The following RGSL1 variants were observed in gnomAD, a reference collection of about 807,000 sequenced individuals.
RGSL1 encodes the protein regulator of G protein signaling like 1, also known as regulator of G protein signaling protein-like.
RGSL1 carries 97 observed loss-of-function variants against 124.7 expected under a neutral mutation model. The ratio of observed to expected loss-of-function variants is 0.78; its 90% CI spans 0.66 to 0.92. The LOEUF is 0.92. Among genes scored for constraint, RGSL1 ranks in the 40% least tolerant of loss-of-function variants. RGSL1 has a pLI of 0.00. For synonymous variants in RGSL1, 424 were observed against 438.1 expected, an observed-to-expected ratio of 0.97 and a Z score of 0.40; for missense variants, 1,233 against 1,288.4, an observed-to-expected ratio of 0.96 and a Z score of 0.66.
rs1336358170 is a variant in RGSL1 at position 182,530,258 on chromosome 1, T to A, written c.2140T>A (p.Cys714Ser). 2.6e-6 allele frequency: 4 copies of A among 1,550,540 alleles called. No homozygotes were observed. The highest frequency in any genetic ancestry group is 3.5e-6 in the Non-Finnish European group (4 of 1,146,264). The change falls in exon 12 of 22, where the codon TGT (cysteine) becomes AGT (serine). Residue 714 changes from cysteine to serine, a missense_variant. Cys to Ser is a moderately radical substitution (Grantham distance 112). Transcript: ENST00000294854. ...GCATTTTCTAGAAGAAATGCTGCAGTGTGATGCCCCTATTATCAAAGAAAT... is the reference window on the plus strand; with the variant it reads ...GCATTTTCTAGAAGAAATGCTGCAGAGTGATGCCCCTATTATCAAAGAAAT... ...GQLSPEEMLQCDAPIIKEIAS... is the reference protein window; with the variant it reads ...GQLSPEEMLQSDAPIIKEIAS...
At chr1:182,533,402 T>G (rs1659327601) in intron 14 of RGSL1, among the ~76,000 whole-genome samples, 1 of 152,054 alleles carries the variant, frequency 6.6e-6, no homozygotes, top group African/African-American at 2.4e-5. Context: ...ATTATATGGA[T>G]TAATTCAACA....
At position 182,473,588 on chromosome 1, in the gene RGSL1, C is replaced by T; in HGVS notation, c.477C>T (p.Asn159=). 6.5e-7 allele frequency: 1 copy of T among 1,545,304 alleles called. No homozygotes were observed. Among genetic ancestry groups the T allele is most frequent in the South Asian group, 1.2e-5 (1 of 82,796 alleles). ...LCNMNIKSLL[N]LSIWHPNQST... is the part of the protein sequence containing the mutation. The stretch of plus-strand genomic sequence containing the variant: ...TATTATTTCCAGAGTCCCTCCTGAA[C>T]CTCTCCATCTGGCATCCCAACCAAT... Residue 159 remains asparagine (N), a synonymous_variant, in exon 6 of 22, where the codon AAC becomes AAT. Transcript: ENST00000294854.
At chr1:182,485,967 A>G (rs1410197782) in intron 6 of RGSL1, among the ~76,000 whole-genome samples, 1 of 152,204 alleles carries the variant, frequency 6.6e-6, no homozygotes, top group African/African-American at 2.4e-5. Flanking sequence ...GAGTACTTGC[A>G]ATGGACTATA....
rs1326048160 is a variant in RGSL1, at chr1:182,527,767, C to A, written c.2120C>A (p.Ser707Tyr). ...VIKTFFQGQL[S>Y]PEEMLQCDAP... ...AAGACTTTCTTCCAAGGCCAACTCTCTCCTGGTATGCATCCTCTTCTGATC... is the reference window on the plus strand; with the variant it reads ...AAGACTTTCTTCCAAGGCCAACTCTATCCTGGTATGCATCCTCTTCTGATC... Residue 707 changes from serine to tyrosine, a missense_variant, in exon 11 of 22, where the codon TCT becomes TAT. Transcript: ENST00000294854. 6.5e-7 allele frequency: 1 copy of A among 1,548,942 alleles called. No individual in the cohort carries two copies. The highest frequency in any genetic ancestry group is 2.0e-5 in the Admixed American group (1 of 50,862).
chr1:182,511,804 A>C (rs140466266), intron 9 of RGSL1, among the ~76,000 whole-genome samples: 145 of 152,334 alleles, frequency 9.5e-4, no homozygotes, highest in African/African-American at 3.3e-3. Context: ...TTTCGATAGG[A>C]TGAATCTATA....
chr1:182,543,882 T>C (rs1054984958), intron 15 of RGSL1, among the ~76,000 whole-genome samples: 2 of 152,040 alleles, frequency 1.3e-5, no homozygotes, highest in African/African-American at 4.8e-5. Context: ...TTTTATTTAT[T>C]TGGGTCTTCT....
At position 182,530,874 on chromosome 1, in the gene RGSL1, C is replaced by G; in HGVS notation, c.2328C>G (p.Pro776=). 1 of 1,549,820 alleles carries G rather than the reference C, an allele frequency of 6.5e-7. No homozygotes were observed. The highest frequency in any genetic ancestry group is 8.7e-7 in the Non-Finnish European group (1 of 1,145,978). Residue 776 remains proline (P), a synonymous_variant, in exon 13 of 22, where the codon CCC becomes CCG. Transcript: ENST00000294854. The stretch of plus-strand genomic sequence containing the variant: ...AAGTACAAATTTCGTCTAGGAAGCC[C>G]TCAAAGATAGTGTCAACTTACCTAC... ...QSEVQISSRK[P]SKIVSTYLQE...
chr1:182,460,807 G>A (rs180737628), intron 4 of RGSL1: 37 of 442,160 alleles, frequency 8.4e-5, no homozygotes, highest in African/African-American at 6.4e-4. Context: ...TGTTTGGGGG[G>A]AAACTTTAGA....
chr1:182,474,235 G>T lies in RGSL1; in HGVS notation c.1124G>T (p.Cys375Phe). ...FSLGYIHLAL[C>F]ADACAGNPFR... is the part of the protein sequence containing the mutation. ...TTAGGATACATCCACTTGGCCTTGT[G>T]TGCTGATGCCTGTGCAGGGAACCCT... Residue 375 changes from cysteine to phenylalanine, a missense_variant, in exon 6 of 22, where the codon TGT becomes TTT. Transcript: ENST00000294854. The T allele has an allele frequency of 3.2e-6, 5 of 1,551,920 alleles. No individual in the cohort carries two copies. Among genetic ancestry groups the T allele is most frequent in the Non-Finnish European group, 4.4e-6 (5 of 1,147,030 alleles).
intron 9 of RGSL1, among the ~76,000 whole-genome samples, chr1:182,496,421 A>C (rs1016855443): frequency 6.6e-6 from 1 of 152,206 alleles, no homozygotes; most frequent in Non-Finnish European, 1.5e-5. Context: ...ACTTGATATC[A>C]CATGGACAGG....
At position 182,458,395 on chromosome 1, in the gene RGSL1, T is replaced by A; in HGVS notation, c.171+2T>A. The A allele has an allele frequency of 6.5e-7, 1 of 1,550,320 alleles. No individual in the cohort carries two copies. Among genetic ancestry groups the A allele is most frequent in the East Asian group, 2.4e-5 (1 of 40,918 alleles). Reference sequence around the variant, plus strand: ...TGGCCAGAAATACCTTGTAACTTGGTGAGTAAAATTCTTCAGAGGTAGAGA... The same window carrying A: ...TGGCCAGAAATACCTTGTAACTTGGAGAGTAAAATTCTTCAGAGGTAGAGA... On this transcript the variant is annotated splice_donor_variant, in intron 3 of 21. Coordinates refer to ENST00000294854, the MANE Select transcript of RGSL1 (RefSeq NM_001137669.2). LOFTEE classifies it high-confidence loss of function.
intron 6 of RGSL1, among the ~76,000 whole-genome samples, chr1:182,479,489 T>G (rs947303910): frequency 6.6e-6 from 1 of 151,978 alleles, no homozygotes; most frequent in Non-Finnish European, 1.5e-5. Context: ...CCACAAAAAA[T>G]GTATAGTAGA....
At chr1:182,533,321 A>G (rs1659319568) in intron 14 of RGSL1, among the ~76,000 whole-genome samples, 1 of 149,038 alleles carries the variant, frequency 6.7e-6, no homozygotes, top group South Asian at 2.1e-4. Flanking sequence ...TTTGTTCAAC[A>G]ATGTATCTTG....
Position 182,460,105 on chromosome 1 carries a change from C to A in RGSL1, c.273C>A (p.Phe91Leu). 1.3e-6 allele frequency: 2 copies of A among 1,551,286 alleles called. No individual in the cohort carries two copies. The highest frequency in any genetic ancestry group is 1.7e-6 in the Non-Finnish European group (2 of 1,146,884). Residue 91 changes from phenylalanine (F) to leucine (L), a missense_variant, in exon 4 of 22, where the codon TTC becomes TTA. Coordinates refer to ENST00000294854, the MANE Select transcript of RGSL1 (RefSeq NM_001137669.2). ...LCFHYILCQE[F>L]ISFIKSPEGG... ...TCCATTACATTCTCTGTCAGGAGTT[C>A]ATCAGTTTCATTAAGTCCCCAGAAG...
chr1:182,539,892 C>G (rs1488938769), intron 14 of RGSL1, among the ~76,000 whole-genome samples: 3 of 152,152 alleles, frequency 2.0e-5, no homozygotes, highest in Admixed American at 6.5e-5. Flanking sequence ...CCTGATAAAA[C>G]TTGAGTAAGC....
intron 9 of RGSL1, among the ~76,000 whole-genome samples, chr1:182,508,668 ATTTG>A (rs1415792338): frequency 3.0e-5 from 4 of 134,284 alleles, no homozygotes; most frequent in African/African-American, 8.3e-5. Flanking sequence ...CCTATTGACT[ATTTG>A]TTTTTTTTTT....
intron 14 of RGSL1, among the ~76,000 whole-genome samples, chr1:182,535,168 T>G (rs923085485): frequency 6.6e-6 from 1 of 152,198 alleles, no homozygotes; most frequent in Admixed American, 6.5e-5. Context: ...AGATGACACC[T>G]GGTGCCCCTC....
intron 6 of RGSL1, among the ~76,000 whole-genome samples, chr1:182,483,068 T>C (rs953298606): frequency 6.6e-6 from 1 of 152,166 alleles, no homozygotes; most frequent in Non-Finnish European, 1.5e-5. Context: ...CTAAATCAGA[T>C]AAACTCATAG....
intron 14 of RGSL1, among the ~76,000 whole-genome samples, chr1:182,533,021 T>C (rs899602292): frequency 2.0e-5 from 3 of 152,200 alleles, no homozygotes; most frequent in Non-Finnish European, 2.9e-5. Context: ...CCTAAGGTAC[T>C]GCAAAATCTC....
Sources: allele counts gnomAD v4.1 joint callset (sites outside exome capture counted in the v4.1 genomes callset), GRCh38; gene constraint gnomAD v4.1.1; transcripts MANE v1.5; gene names NCBI Gene and HGNC (gene_info 2026-07-23, HGNC 2026-07-21).